The following ATG2B variants were observed in gnomAD, a reference collection of about 807,000 sequenced individuals.
ATG2B encodes autophagy-related protein 2 homolog B.
A neutral mutation model predicts 241.3 loss-of-function variants in ATG2B; 121 were observed. The ratio of observed to expected loss-of-function variants is 0.50; its 90% CI spans 0.43 to 0.58. The LOEUF (loss-of-function observed/expected upper bound fraction) is 0.58. Among genes scored for constraint, ATG2B ranks in the 20% least tolerant of loss-of-function variants. The pLI is 0.00. For missense variants in ATG2B, 2,306 were observed against 2,491.6 expected, an observed-to-expected ratio of 0.93 and a Z score of 1.59; for synonymous variants, 858 against 876.6, an observed-to-expected ratio of 0.98 and a Z score of 0.37.
Position 96,316,640 on chromosome 14 carries a change from C to G in ATG2B, c.3254G>C (p.Trp1085Ser). The G allele has an allele frequency of 6.2e-7, 1 of 1,611,070 alleles. No homozygotes were observed. The highest frequency in any genetic ancestry group is 8.5e-7 in the Non-Finnish European group (1 of 1,179,010). Residue 1085 changes from tryptophan to serine, a missense_variant, in exon 21 of 42, where the codon TGG becomes TCG. Coordinates refer to ENST00000359933, the MANE Select transcript of ATG2B (RefSeq NM_018036.7). ...TAATGAACCACTATTGAACTCTAAC[C>G]AGAATTCACCATGCTTGTTTTCCAA... ...DLLENKHGEF[W>S]LEFNSGSLFC...
At chr14:96,314,980 C>T (rs139360293) in intron 23 of ATG2B, among the ~76,000 whole-genome samples, 174 bp downstream of exon 23, 3 of 152,246 alleles carry the variant, frequency 2.0e-5, no homozygotes, top group African/African-American at 4.8e-5. Flanking sequence ...CATGAGCCAC[C>T]GTGCCCGGCC....
In ATG2B at chr14:96,334,461, A is replaced by T. The variant is rs1418697921; in HGVS notation, c.965T>A (p.Leu322Gln). Reference protein sequence around the residue: ...DGQIDSIHLLLSPRQVHLLLD... With the variant: ...DGQIDSIHLLQSPRQVHLLLD... The stretch of plus-strand genomic sequence containing the variant: ...AAGCAAGTGCACCTGTCTTGGTGAC[A>T]GGAGTAGATGAATAGAGTCTATCTG... The change falls in exon 7 of 42, where the codon CTG becomes CAG. Residue 322 changes from leucine (L) to glutamine (Q), a missense_variant. Transcript: ENST00000359933. The T allele has an allele frequency of 6.2e-7, 1 of 1,610,934 alleles. No homozygotes were observed. Among genetic ancestry groups the T allele is most frequent in the Admixed American group, 1.7e-5 (1 of 59,446 alleles).
rs771174583 is a variant in ATG2B, at chr14:96,303,164, AC to A, written c.4933del (p.Val1645PhefsTer15). On this transcript the variant is annotated frameshift_variant, in exon 33 of 42. Coordinates refer to ENST00000359933, the MANE Select transcript of ATG2B (RefSeq NM_018036.7). LOFTEE classifies it high-confidence loss of function. ...EHPVSRQVFI[V>X]QDLEIRDRLA... ...ACGATCTCGAATCTCAAGATCCTGA[AC>A]AATGAACACCTGCCGGGAGACTGGG... The A allele has an allele frequency of 6.2e-7, 1 of 1,613,664 alleles. No individual in the cohort carries two copies. The highest frequency in any genetic ancestry group is 8.5e-7 in the Non-Finnish European group (1 of 1,179,806).
rs1306358877 is a variant in ATG2B at position 96,309,614 on chromosome 14, T to C, written c.4162-20A>G. On this transcript the variant is annotated intron_variant, in intron 28 of 41. Coordinates refer to ENST00000359933, the MANE Select transcript of ATG2B (RefSeq NM_018036.7). Reference sequence around the variant, plus strand: ...ATCTACCTATAGCCAAAAAACCTAATTAAAAATAACTGAAAATGCTCTTAA... The same window carrying C: ...ATCTACCTATAGCCAAAAAACCTAACTAAAAATAACTGAAAATGCTCTTAA... 6.3e-7 allele frequency: 1 copy of C among 1,581,546 alleles called. No individual in the cohort carries two copies. The highest frequency in any genetic ancestry group is 8.6e-7 in the Non-Finnish European group (1 of 1,161,982).
chr14:96,311,461 T>G, intron 27 of ATG2B, 81 bp downstream of exon 27: 1 of 1,295,358 alleles, frequency 7.7e-7, no homozygotes, highest in Non-Finnish European at 1.1e-6. Context: ...CAAAATTAGG[T>G]ACACGGAAAA....
intron 6 of ATG2B, among the ~76,000 whole-genome samples, chr14:96,339,301 T>C (rs903643170): frequency 6.6e-6 from 1 of 151,634 alleles, no homozygotes; most frequent in Non-Finnish European, 1.5e-5. Context: ...TGTGTGTGTG[T>C]GTGTATACAT....
intron 34 of ATG2B, among the ~76,000 whole-genome samples, chr14:96,301,182 C>T (rs1310448604): frequency 6.6e-6 from 1 of 152,166 alleles, no homozygotes; most frequent in African/African-American, 2.4e-5. Flanking sequence ...TAATGTTTTT[C>T]ACACACTGAT....
At chr14:96,321,466 A>C (rs1043657624) in intron 18 of ATG2B, among the ~76,000 whole-genome samples, 6 of 152,272 alleles carry the variant, frequency 3.9e-5, no homozygotes, top group African/African-American at 1.2e-4. Flanking sequence ...AGAACTCTCC[A>C]AGTGTTATAT....
chr14:96,361,264 C>T (rs1359611240), intron 1 of ATG2B, among the ~76,000 whole-genome samples: 1 of 152,154 alleles, frequency 6.6e-6, no homozygotes, highest in Non-Finnish European at 1.5e-5. Flanking sequence ...ATGAAAGTGC[C>T]TAGTACAATG....
In ATG2B at chr14:96,353,860, G is replaced by A. The variant is rs569229975; in HGVS notation, c.163-6519C>T. Reference sequence around the variant, plus strand: ...ATCTTGCAAAGTAAAATGGACACAGGAGTTCAATGGAAAAAGACACGATGT... The same window carrying A: ...ATCTTGCAAAGTAAAATGGACACAGAAGTTCAATGGAAAAAGACACGATGT... On this transcript the variant is annotated intron_variant, in intron 1 of 41. Transcript: ENST00000359933. 5.3e-5 allele frequency among the ~76,000 whole-genome samples: 8 copies of A among 152,052 alleles called. No individual in the cohort carries two copies. The East Asian group carries it at 1.2e-3, about 22-fold the overall frequency.
intron 1 of ATG2B, among the ~76,000 whole-genome samples, chr14:96,361,517 T>C (rs113521970): frequency 0.011 from 1,617 of 152,330 alleles, 26 homozygotes; most frequent in African/African-American, 0.037. Context: ...TATTCATAAC[T>C]GTATCAAAAG....
intron 6 of ATG2B, among the ~76,000 whole-genome samples, chr14:96,338,294 T>C (rs1292229294): frequency 5.9e-5 from 9 of 152,290 alleles, no homozygotes; most frequent in Admixed American, 3.3e-4. Context: ...TCTTGCCTGA[T>C]TGCCCTGGCT....
In ATG2B at chr14:96,325,779, T is replaced by C. The variant is rs751388594; in HGVS notation, c.2307A>G (p.Pro769=). 2 of 1,614,044 alleles carry C rather than the reference T, an allele frequency of 1.2e-6. No individual in the cohort carries two copies. The highest frequency in any genetic ancestry group is 1.7e-5 in the Admixed American group (1 of 59,992). ...PDLRSDQERG[P]WFKKSLQKEI... is the part of the protein sequence containing the mutation. ...CCTTCTGAAGTGACTTCTTAAACCATGGTCCTCTTTCTTGATCAGATCGAA... is the reference window on the plus strand; with the variant it reads ...CCTTCTGAAGTGACTTCTTAAACCACGGTCCTCTTTCTTGATCAGATCGAA... Residue 769 remains proline, a synonymous_variant, in exon 15 of 42, where the codon CCA becomes CCG. Transcript: ENST00000359933.
At position 96,322,168 on chromosome 14, in the gene ATG2B, T is replaced by A; in HGVS notation, c.2823A>T (p.Leu941Phe). Residue 941 changes from leucine to phenylalanine, a missense_variant, in exon 18 of 42, where the codon TTA becomes TTT. Coordinates refer to ENST00000359933, the MANE Select transcript of ATG2B (RefSeq NM_018036.7). ...TAGGTAGTGTTACATAAATATTTGGTAACGTAAGTTCCAGCACATAGTGAG... is the reference window on the plus strand; with the variant it reads ...TAGGTAGTGTTACATAAATATTTGGAAACGTAAGTTCCAGCACATAGTGAG... ...SNSHYVLELT[L>F]PNIYVTLPNK... The A allele has an allele frequency of 6.4e-7, 1 of 1,574,260 alleles. No homozygotes were observed. The highest frequency in any genetic ancestry group is 8.6e-7 in the Non-Finnish European group (1 of 1,166,596).
intron 21 of ATG2B, among the ~76,000 whole-genome samples, chr14:96,316,085 G>A (rs1887303361): frequency 6.6e-6 from 1 of 152,166 alleles, no homozygotes. Context: ...CAGTCAAAAA[G>A]GCCAAATATT....
chr14:96,296,486 G>A (rs1315901110), intron 34 of ATG2B, among the ~76,000 whole-genome samples: 1 of 152,058 alleles, frequency 6.6e-6, no homozygotes, highest in Non-Finnish European at 1.5e-5. Context: ...AACTGGCCGG[G>A]TGCAGTGGCT....
Position 96,289,439 on chromosome 14 carries a change from C to T in ATG2B, c.6006+217G>A, listed in dbSNP as rs1886423140. On this transcript the variant is annotated intron_variant, in intron 41 of 41. Coordinates refer to ENST00000359933, the MANE Select transcript of ATG2B (RefSeq NM_018036.7). The surrounding 1 kb of genome is among the most constrained non-coding windows in gnomAD (Gnocchi z 4.3). ...TGCAGGTGAAGAGAGAGAATCCATC[C>T]ACCCACGCAATCACTAGTATTCCTG... 2 of 460,846 alleles carry T rather than the reference C, an allele frequency of 4.3e-6. No individual in the cohort carries two copies. The highest frequency in any genetic ancestry group is 6.9e-5 in the South Asian group (2 of 28,948). The allele number at this position is 460,846 out of a possible 1,614,324, so 28.5% of individuals were successfully genotyped here.
At chr14:96,300,954 A>T (rs1886773852) in intron 34 of ATG2B, among the ~76,000 whole-genome samples, 1 of 152,314 alleles carries the variant, frequency 6.6e-6, no homozygotes, top group African/African-American at 2.4e-5. Context: ...TTCAACCAGT[A>T]CTATTTAAGC....
intron 36 of ATG2B, among the ~76,000 whole-genome samples, chr14:96,292,812 G>T (rs1374407725): frequency 2.0e-5 from 3 of 152,192 alleles, no homozygotes; most frequent in Non-Finnish European, 4.4e-5. Flanking sequence ...TTTCTGAAGT[G>T]GATTGCTTCC....
Sources: allele counts gnomAD v4.1 joint callset (sites outside exome capture counted in the v4.1 genomes callset), GRCh38; gene constraint gnomAD v4.1.1; non-coding constraint Gnocchi (gnomAD v3.1); transcripts MANE v1.5; gene names NCBI Gene and HGNC (gene_info 2026-07-23, HGNC 2026-07-21).